TMEM14A: variants seen among roughly 807,000 people sequenced by gnomAD.
The protein encoded by TMEM14A is transmembrane protein 14A.
In TMEM14A, 8 loss-of-function variants were observed where a neutral mutation model predicts 11.6. The observed-to-expected ratio is 0.69, with a 90% confidence interval of 0.40 to 1.24. The LOEUF is 1.24. Among genes scored for constraint, TMEM14A ranks in the 50% most tolerant of loss-of-function variants. The pLI is 0.01. For synonymous variants in TMEM14A, 34 were observed against 45.5 expected, an observed-to-expected ratio of 0.75 and a Z score of 1.02; for missense variants, 108 against 121.9, an observed-to-expected ratio of 0.89 and a Z score of 0.54.
chr6:52,680,712 T>TATGTATATATATATATATAC (rs1769374693), intron 2 of TMEM14A, among the ~76,000 whole-genome samples: 3 of 133,078 alleles, frequency 2.3e-5, no homozygotes, highest in Admixed American at 7.9e-5. Flanking sequence ...TATACACATA[T>TATGTATATATATATATATAC]ATATATGGCA....
At chr6:52,685,938 G>T in intron 4 of TMEM14A, 72 bp from the exon 5 acceptor site, 3 of 1,483,454 alleles carry the variant, frequency 2.0e-6, no homozygotes, top group Non-Finnish European at 2.8e-6. Context: ...GGGTAGGCGA[G>T]TGCATGGCCC....
At chr6:52,673,079 C>A (rs536052942) in intron 1 of TMEM14A, among the ~76,000 whole-genome samples, 16 of 152,176 alleles carry the variant, frequency 1.1e-4, no homozygotes, top group Admixed American at 2.6e-4. Flanking sequence ...CTTGCACATG[C>A]GCTCCCTTCT....
chr6:52,682,691 G>T (rs1769413921), intron 3 of TMEM14A, among the ~76,000 whole-genome samples: 1 of 151,518 alleles, frequency 6.6e-6, no homozygotes, highest in Non-Finnish European at 1.5e-5. Flanking sequence ...GTGATATTAG[G>T]ATTTTTATTG....
intron 3 of TMEM14A, among the ~76,000 whole-genome samples, chr6:52,683,328 T>C (rs1182259384): frequency 6.6e-6 from 1 of 151,700 alleles, no homozygotes; most frequent in Non-Finnish European, 1.5e-5. Flanking sequence ...GATGTGGTTG[T>C]ACATGGCTGT....
At chr6:52,673,628 G>A (rs1769202607) in intron 1 of TMEM14A, among the ~76,000 whole-genome samples, 1 of 151,988 alleles carries the variant, frequency 6.6e-6, no homozygotes, top group African/African-American at 2.4e-5. Flanking sequence ...GTCCTTGCTG[G>A]GTGCCACTCC....
intron 2 of TMEM14A, among the ~76,000 whole-genome samples, chr6:52,678,720 T>G (rs1340474489): frequency 6.6e-6 from 1 of 152,206 alleles, no homozygotes; most frequent in African/African-American, 2.4e-5. Context: ...TAAATTAATC[T>G]GTTAGGATTA....
rs528382427 is a variant in TMEM14A, at chr6:52,675,796, A to C, written c.-16-1291A>C. On this transcript the variant is annotated intron_variant, in intron 1 of 4. Transcript: ENST00000211314. ...AGAAGACATCCATCTGTAAAGAATG[A>C]GAGGACTAATATCTGTACAGACATG... Among the ~76,000 whole-genome samples the C allele has an allele frequency of 7.5e-4, 114 of 152,400 alleles. 1 individual carries two copies. The South Asian group carries it at 0.023, about 31-fold the overall frequency.
chr6:52,683,508 A>G (rs575133806), intron 3 of TMEM14A, among the ~76,000 whole-genome samples: 274 of 151,866 alleles, frequency 1.8e-3, no homozygotes, highest in African/African-American at 6.4e-3. Context: ...GAAAAAGAAA[A>G]GGTCTTTCTC....
intron 2 of TMEM14A, among the ~76,000 whole-genome samples, chr6:52,680,649 ATGTGTGTG>A (rs371258251): frequency 1.3e-3 from 63 of 48,306 alleles, no homozygotes; most frequent in South Asian, 3.2e-3. Flanking sequence ...GTGTATATAT[ATGTGTGTG>A]TATATATATG....
At chr6:52,684,947 A>AAT in intron 4 of TMEM14A, among the ~76,000 whole-genome samples, 1 of 152,366 alleles carries the variant, frequency 6.6e-6, no homozygotes, top group Admixed American at 6.5e-5. Flanking sequence ...CATTTAATGG[A>AAT]ATATTGAATG....
Position 52,680,593 on chromosome 6 carries a change from T to TATATATATATATATATA in TMEM14A, c.71-1220_71-1219insATATATATATATATATA, listed in dbSNP as rs1561874928. On this transcript the variant is annotated intron_variant, in intron 2 of 4. Coordinates refer to ENST00000211314, the MANE Select transcript of TMEM14A (RefSeq NM_014051.4). ...TCTAAGCCACTATATATTTATATAT[T>TATATATATATATATATA]TATATATATATATATATATGTATAT... Among the ~76,000 whole-genome samples the TATATATATATATATATA allele has an allele frequency of 1.4e-3, 136 of 96,490 alleles. 4 individuals carry two copies. The highest frequency in any genetic ancestry group is 7.3e-3 in the East Asian group (21 of 2,876). 63.3% of individuals were successfully genotyped at this position (96,490 alleles called of 152,430 possible).
intron 4 of TMEM14A, among the ~76,000 whole-genome samples, chr6:52,684,951 T>G (rs936675090): frequency 6.6e-6 from 1 of 152,226 alleles, no homozygotes; most frequent in Non-Finnish European, 1.5e-5. Context: ...TAATGGAATA[T>G]TGAATGAGCA....
At chr6:52,681,632 A>G (rs536237816) in intron 2 of TMEM14A, among the ~76,000 whole-genome samples, 181 bp from the exon 3 acceptor site, 2 of 152,362 alleles carry the variant, frequency 1.3e-5, no homozygotes, top group Admixed American at 6.5e-5. Context: ...TGGGTTCAGC[A>G]GGAAACAGTC....
At chr6:52,675,908 T>C (rs1225595650) in intron 1 of TMEM14A, among the ~76,000 whole-genome samples, 1 of 152,098 alleles carries the variant, frequency 6.6e-6, no homozygotes, top group Non-Finnish European at 1.5e-5. Context: ...TAGTACAGAC[T>C]AGAGTCAAGG....
At chr6:52,682,499 A>T (rs1171230645) in intron 3 of TMEM14A, among the ~76,000 whole-genome samples, 4 of 152,164 alleles carry the variant, frequency 2.6e-5, no homozygotes, top group African/African-American at 9.6e-5. Context: ...CATTTTCTCT[A>T]GTTGATTTAT....
chr6:52,678,673 G>A (rs564442843), intron 2 of TMEM14A, among the ~76,000 whole-genome samples: 26 of 152,288 alleles, frequency 1.7e-4, no homozygotes, highest in African/African-American at 6.3e-4. Flanking sequence ...ATACTCAGGT[G>A]AGATGTTTCA....
At chr6:52,678,933 A>G (rs954379729) in intron 2 of TMEM14A, among the ~76,000 whole-genome samples, 3 of 152,174 alleles carry the variant, frequency 2.0e-5, no homozygotes, top group East Asian at 1.9e-4. Flanking sequence ...ATGTGTGTGT[A>G]AAGTGAGTTA....
chr6:52,678,346 T>C (rs1307167259), intron 2 of TMEM14A, among the ~76,000 whole-genome samples: 1 of 150,828 alleles, frequency 6.6e-6, no homozygotes, highest in Non-Finnish European at 1.5e-5. Flanking sequence ...TGTGTGTGTG[T>C]GTGTGTGTGT....
chr6:52,673,914 T>C (rs3823033), intron 1 of TMEM14A, among the ~76,000 whole-genome samples: 121,290 of 152,204 alleles, frequency 0.8, 48,862 homozygotes, highest in South Asian at 0.88. Flanking sequence ...GCCTTACACA[T>C]GTCAAGCTTA....
Sources: allele counts gnomAD v4.1 joint callset (sites outside exome capture counted in the v4.1 genomes callset), GRCh38; gene constraint gnomAD v4.1.1; transcripts MANE v1.5; gene names NCBI Gene and HGNC (gene_info 2026-07-23, HGNC 2026-07-21).